The following VAV2 variants were observed in gnomAD, a reference collection of about 807,000 sequenced individuals.
VAV2 encodes guanine nucleotide exchange factor VAV2.
In VAV2, 67 loss-of-function variants were observed where a neutral mutation model predicts 132.5. That is an observed-to-expected ratio of 0.51 (90% CI 0.42 to 0.62). The LOEUF is 0.62. VAV2 is among the 20% of genes least tolerant of loss of function. VAV2 has a pLI of 0.00. For missense variants in VAV2, 938 were observed against 1,153.6 expected (o/e 0.81, Z 2.71); for synonymous variants, 492 against 443.5 (o/e 1.11, Z -1.37).
chr9:133,792,475 G>A (rs1032489206), intron 12 of VAV2, among the ~76,000 whole-genome samples: 1 of 104,384 alleles, frequency 9.6e-6, no homozygotes, highest in African/African-American at 3.7e-5. Context: ...TTGTGTGTGT[G>A]ATTGTGTGAG....
intron 25 of VAV2, among the ~76,000 whole-genome samples, chr9:133,772,878 AGAGCCTAC>A (rs1833680426): frequency 6.6e-6 from 1 of 151,316 alleles, no homozygotes; most frequent in Non-Finnish European, 1.5e-5. Flanking sequence ...GCTGGACAGC[AGAGCCTAC>A]TGCACACCCC....
At chr9:133,820,980 G>C (rs915917336) in intron 4 of VAV2, among the ~76,000 whole-genome samples, 1 of 152,212 alleles carries the variant, frequency 6.6e-6, no homozygotes, top group African/African-American at 2.4e-5. Context: ...CAATCCCACA[G>C]GGGAGGGGCC....
chr9:133,978,797 G>A (rs73558713), intron 1 of VAV2, among the ~76,000 whole-genome samples: 2,759 of 152,280 alleles, frequency 0.018, 79 homozygotes, highest in African/African-American at 0.062. Flanking sequence ...TCCCCTCCAC[G>A]GTCCTGTATT....
rs200644044 is a variant in VAV2, at chr9:133,788,402, C to G, written c.1359G>C (p.Leu453=). The change falls in exon 15 of 30, where the codon CTG becomes CTC. Residue 453 remains leucine (L), a synonymous_variant. Transcript: ENST00000371850. This position sits in a 1 kb window ranked among gnomAD's most constrained non-coding sequence, Gnocchi z 5.3. ...TGGGGTCGTCGGTCATCTTGTGGAA[C>G]AGCAGCTCGATGATCTCCTTGAGCT... ...SYELKEIIEL[L]FHKMTDDPMN... The G allele has an allele frequency of 8.1e-6, 13 of 1,612,020 alleles. No individual in the cohort carries two copies. The Admixed American group carries it at 1.2e-4, about 14-fold the overall frequency.
chr9:133,929,829 C>CA (rs746792244), intron 2 of VAV2, among the ~76,000 whole-genome samples: 2 of 152,226 alleles, frequency 1.3e-5, no homozygotes, highest in Non-Finnish European at 2.9e-5. Context: ...TCCCCACCGC[C>CA]AGTGTCCCCA....
At chr9:133,905,435 A>G (rs948173162) in intron 2 of VAV2, among the ~76,000 whole-genome samples, 5 of 63,106 alleles carry the variant, frequency 7.9e-5, no homozygotes, top group African/African-American at 2.2e-4. Flanking sequence ...AACTGTCTCA[A>G]AAAAAAAAAA....
At chr9:133,955,289 C>A (rs1172449920) in intron 1 of VAV2, among the ~76,000 whole-genome samples, 6 of 151,994 alleles carry the variant, frequency 3.9e-5, no homozygotes, top group Non-Finnish European at 5.9e-5. Context: ...ACAAGCCCAG[C>A]CAGGGAGTGT....
intron 1 of VAV2, among the ~76,000 whole-genome samples, chr9:133,972,392 T>TGG (rs1588200005): frequency 6.6e-6 from 1 of 151,962 alleles, no homozygotes; most frequent in East Asian, 1.9e-4. Flanking sequence ...AGGGCAGGGG[T>TGG]GGGGGAGGCT....
intron 1 of VAV2, among the ~76,000 whole-genome samples, chr9:133,965,688 T>A (rs1266072967): frequency 6.6e-6 from 1 of 152,122 alleles, no homozygotes; most frequent in Non-Finnish European, 1.5e-5. Flanking sequence ...GAATTAATAA[T>A]TTGAAAATGA....
At chr9:133,910,373 G>A (rs1214036402) in intron 2 of VAV2, among the ~76,000 whole-genome samples, 2 of 152,162 alleles carry the variant, frequency 1.3e-5, no homozygotes, top group African/African-American at 4.8e-5. Context: ...CGCAAGCTGC[G>A]AGTTCAGACC....
intron 24 of VAV2, 121 bp downstream of exon 24, chr9:133,775,907 C>T (rs1833792871): frequency 7.4e-7 from 1 of 1,342,406 alleles, no homozygotes; most frequent in Non-Finnish European, 9.9e-7. Context: ...GAGATGGCAA[C>T]AGGCAGCCTG....
At chr9:133,780,800 G>A in intron 19 of VAV2, 90 bp from the exon 20 acceptor site, 1 of 1,240,482 alleles carries the variant, frequency 8.1e-7, no homozygotes, top group East Asian at 3.2e-5. Flanking sequence ...GAGCCTCTGG[G>A]CCGAGCTTAA....
At position 133,989,207 on chromosome 9, in the gene VAV2, G is replaced by A. The variant is rs555009045; in HGVS notation, c.204+2868C>T. Among the ~76,000 whole-genome samples, 214 of 152,178 alleles carry A rather than the reference G, an allele frequency of 1.4e-3. 1 individual carries two copies. The highest frequency in any genetic ancestry group is 5.1e-3 in the African/African-American group (213 of 41,500). On this transcript the variant is annotated intron_variant, in intron 1 of 29. Coordinates refer to ENST00000371850, the MANE Select transcript of VAV2 (RefSeq NM_001134398.2). The stretch of plus-strand genomic sequence containing the variant: ...TACAAAATTAGCTGGGCATGGTGGC[G>A]CATGCCTGTCATCCCAGCCGACTTG...
intron 13 of VAV2, among the ~76,000 whole-genome samples, chr9:133,790,311 C>T (rs61666944): frequency 0.15 from 22,372 of 152,036 alleles, 1,710 homozygotes; most frequent in South Asian, 0.17. Context: ...CAAGTAGCTG[C>T]GATTATAGGC....
At chr9:133,864,071 A>G (rs1350588967) in intron 2 of VAV2, among the ~76,000 whole-genome samples, 1 of 152,168 alleles carries the variant, frequency 6.6e-6, no homozygotes, top group African/African-American at 2.4e-5. Context: ...CCACAGCCCC[A>G]GCCGACTCTT....
chr9:133,950,413 G>A (rs769575450), intron 1 of VAV2, among the ~76,000 whole-genome samples: 1 of 152,128 alleles, frequency 6.6e-6, no homozygotes, highest in Non-Finnish European at 1.5e-5. Context: ...TGCGTGTTCA[G>A]AGCCAGCAGC....
At chr9:133,964,112 C>T (rs10993880) in intron 1 of VAV2, among the ~76,000 whole-genome samples, 3,465 of 144,696 alleles carry the variant, frequency 0.024, 147 homozygotes, top group African/African-American at 0.083. Flanking sequence ...GTAGTCCCAG[C>T]ACTTTGGGAG....
chr9:133,908,838 G>T (rs1839772416), intron 2 of VAV2, among the ~76,000 whole-genome samples: 1 of 152,232 alleles, frequency 6.6e-6, no homozygotes, highest in South Asian at 2.1e-4. Context: ...TGGTTTTGCA[G>T]CCCCTGCAGT....
intron 3 of VAV2, among the ~76,000 whole-genome samples, chr9:133,835,847 G>A (rs1238231427): frequency 6.6e-6 from 1 of 152,232 alleles, no homozygotes; most frequent in African/African-American, 2.4e-5. Context: ...TGCAGGGACT[G>A]GGCCATTGGT....
Sources: allele counts gnomAD v4.1 joint callset (sites outside exome capture counted in the v4.1 genomes callset), GRCh38; gene constraint gnomAD v4.1.1; non-coding constraint Gnocchi (gnomAD v3.1); transcripts MANE v1.5; gene names NCBI Gene and HGNC (gene_info 2026-07-23, HGNC 2026-07-21).